The following SCFD2 variants were observed in gnomAD, a reference collection of about 807,000 sequenced individuals.
The protein encoded by SCFD2 is sec1 family domain-containing protein 2.
Under a neutral mutation model 58.9 loss-of-function variants are expected in SCFD2, and 54 were observed. The ratio of observed to expected loss-of-function variants is 0.92; its 90% CI spans 0.74 to 1.15. The LOEUF is 1.15. SCFD2 is among the 50% of genes most tolerant of loss of function. The pLI is 0.00. For missense variants in SCFD2, 805 were observed against 836.6 expected, an observed-to-expected ratio of 0.96 and a Z score of 0.47; for synonymous variants, 321 against 335.9, an observed-to-expected ratio of 0.96 and a Z score of 0.49.
At chr4:52,978,885 A>T (rs1374491815) in intron 5 of SCFD2, among the ~76,000 whole-genome samples, 1 of 152,114 alleles carries the variant, frequency 6.6e-6, no homozygotes, top group East Asian at 1.9e-4. Context: ...TTAAATCCCT[A>T]AGAAAAATGT....
At chr4:52,921,215 G>A (rs1304033348) in intron 5 of SCFD2, among the ~76,000 whole-genome samples, 2 of 152,140 alleles carry the variant, frequency 1.3e-5, no homozygotes, top group East Asian at 1.9e-4. Flanking sequence ...AAAATATGAG[G>A]AGACACAAAG....
intron 5 of SCFD2, among the ~76,000 whole-genome samples, chr4:53,022,918 T>C (rs1430550525): frequency 6.6e-6 from 1 of 152,186 alleles, no homozygotes; most frequent in Non-Finnish European, 1.5e-5. Flanking sequence ...GAATTATTTA[T>C]TGTATAAATG....
chr4:52,986,790 C>T (rs907295192), intron 5 of SCFD2, among the ~76,000 whole-genome samples: 3 of 151,976 alleles, frequency 2.0e-5, no homozygotes, highest in Non-Finnish European at 2.9e-5. Flanking sequence ...TGAGCCACTG[C>T]GCTCGGCATG....
intron 5 of SCFD2, among the ~76,000 whole-genome samples, chr4:53,122,987 T>C (rs763318509): frequency 7.2e-5 from 11 of 152,298 alleles, no homozygotes; most frequent in Middle Eastern, 6.8e-3. Context: ...ATTTCTGAAC[T>C]GTGAGATTAT....
chr4:52,875,825 T>G (rs1191885163), intron 8 of SCFD2, among the ~76,000 whole-genome samples: 2 of 50,294 alleles, frequency 4.0e-5, no homozygotes, highest in Non-Finnish European at 8.2e-5. Context: ...TATATATATA[T>G]ATATATATAT....
At chr4:53,145,704 TTTTA>T (rs1726309153) in intron 4 of SCFD2, 122 bp from the exon 5 acceptor site, 2 of 895,380 alleles carry the variant, frequency 2.2e-6, no homozygotes, top group Non-Finnish European at 3.3e-6. Context: ...CTGCATCACT[TTTTA>T]TTTGTGTGTT....
intron 5 of SCFD2, among the ~76,000 whole-genome samples, chr4:53,065,546 TA>T (rs1460360321): frequency 5.3e-5 from 8 of 152,238 alleles, no homozygotes; most frequent in African/African-American, 1.7e-4. Context: ...ACTGTGGTCA[TA>T]AAGACATTAA....
intron 3 of SCFD2, among the ~76,000 whole-genome samples, chr4:53,296,933 T>C (rs1280288120): frequency 6.6e-6 from 1 of 152,224 alleles, no homozygotes; most frequent in Non-Finnish European, 1.5e-5. Context: ...TCAGTTTCCA[T>C]GTAGTTGTGT....
intron 5 of SCFD2, among the ~76,000 whole-genome samples, chr4:52,942,010 G>T (rs1484012421): frequency 6.6e-6 from 1 of 152,138 alleles, no homozygotes; most frequent in African/African-American, 2.4e-5. Flanking sequence ...ATTTAGGTTT[G>T]GGATGTTCAA....
chr4:53,017,192 C>T (rs115839867), intron 5 of SCFD2, among the ~76,000 whole-genome samples: 349 of 152,276 alleles, frequency 2.3e-3, no homozygotes, highest in Non-Finnish European at 3.8e-3. Context: ...AATTATAACA[C>T]AATAGGCTAT....
intron 7 of SCFD2, among the ~76,000 whole-genome samples, chr4:52,895,435 C>T (rs1357347836): frequency 6.6e-6 from 1 of 152,028 alleles, no homozygotes; most frequent in Non-Finnish European, 1.5e-5. Flanking sequence ...GGTTTTTTGC[C>T]TTTGTGATAC....
At chr4:52,882,654 A>G (rs146795580) in intron 8 of SCFD2, among the ~76,000 whole-genome samples, 13 of 152,290 alleles carry the variant, frequency 8.5e-5, no homozygotes, top group Non-Finnish European at 5.9e-5. Flanking sequence ...TCTTTCTCAT[A>G]TGCTGGATGC....
At chr4:53,284,379 A>G (rs531417716) in intron 3 of SCFD2, among the ~76,000 whole-genome samples, 4 of 152,332 alleles carry the variant, frequency 2.6e-5, no homozygotes, top group South Asian at 4.1e-4. Context: ...CAATTTAAGA[A>G]AAAAGGTTAC....
At chr4:53,075,171 T>A (rs1723935284) in intron 5 of SCFD2, among the ~76,000 whole-genome samples, 1 of 152,240 alleles carries the variant, frequency 6.6e-6, no homozygotes, top group Admixed American at 6.5e-5. Context: ...GAGAGACAGC[T>A]GCTTTCCTTA....
At chr4:53,361,967 C>T (rs1734559593) in intron 1 of SCFD2, among the ~76,000 whole-genome samples, 2 of 152,174 alleles carry the variant, frequency 1.3e-5, no homozygotes, top group Non-Finnish European at 2.9e-5. Flanking sequence ...TGAATACCTA[C>T]TGTTTTGAAG....
intron 5 of SCFD2, among the ~76,000 whole-genome samples, chr4:53,021,817 C>T (rs1202301605): frequency 2.6e-5 from 4 of 152,056 alleles, no homozygotes; most frequent in Admixed American, 6.6e-5. Flanking sequence ...TTCACAGTGC[C>T]GACAGAAGAA....
chr4:53,095,613 T>G (rs1724600275), intron 5 of SCFD2, among the ~76,000 whole-genome samples: 1 of 152,120 alleles, frequency 6.6e-6, no homozygotes, highest in Non-Finnish European at 1.5e-5. Flanking sequence ...ATTTCACTCC[T>G]CTGCTGAACA....
At chr4:53,344,807 T>A (rs1402581160) in intron 2 of SCFD2, among the ~76,000 whole-genome samples, 3 of 151,952 alleles carry the variant, frequency 2.0e-5, no homozygotes, top group Non-Finnish European at 4.4e-5. Context: ...ACATCTACAA[T>A]CACCTGACTT....
intron 3 of SCFD2, among the ~76,000 whole-genome samples, chr4:53,295,781 A>C (rs563115819): frequency 1.3e-5 from 2 of 152,270 alleles, no homozygotes; most frequent in East Asian, 3.9e-4. Context: ...GTATGTCATA[A>C]ATAACTCTCA....
Sources: allele counts gnomAD v4.1 joint callset (sites outside exome capture counted in the v4.1 genomes callset), GRCh38; gene constraint gnomAD v4.1.1; transcripts MANE v1.5; gene names NCBI Gene and HGNC (gene_info 2026-07-23, HGNC 2026-07-21).